CA10: variants seen among roughly 807,000 people sequenced by gnomAD.
CA10 encodes carbonic anhydrase 10 (inactive).
Under a neutral mutation model 44.2 loss-of-function variants are expected in CA10, and 14 were observed. That is an observed-to-expected ratio of 0.32 (90% confidence interval 0.21 to 0.50). CA10 has a LOEUF of 0.50. CA10 is among the 20% of genes least tolerant of loss of function. CA10 has a pLI of 0.99. For missense variants in CA10, 350 were observed against 409.7 expected, an observed-to-expected ratio of 0.85 and a Z score of 1.26; for synonymous variants, 159 against 141.6, an observed-to-expected ratio of 1.12 and a Z score of -0.87.
At chr17:52,126,401 T>A (rs1327584962) in intron 1 of CA10, among the ~76,000 whole-genome samples, 1 of 152,202 alleles carries the variant, frequency 6.6e-6, no homozygotes, top group Non-Finnish European at 1.5e-5. Flanking sequence ...TTTAAAAAAA[T>A]ATCCATCAGT....
chr17:52,113,446 T>C (rs1988828821), intron 1 of CA10, among the ~76,000 whole-genome samples: 1 of 152,180 alleles, frequency 6.6e-6, no homozygotes, highest in Non-Finnish European at 1.5e-5. Context: ...GGCATTGCCC[T>C]GGGCACCATG....
intron 2 of CA10, among the ~76,000 whole-genome samples, chr17:52,026,788 C>G (rs1418246336): frequency 6.6e-6 from 1 of 152,054 alleles, no homozygotes; most frequent in Non-Finnish European, 1.5e-5. Flanking sequence ...CTCATGGGCT[C>G]CTTCCCACAA....
At chr17:52,116,536 G>C (rs1176991813) in intron 1 of CA10, among the ~76,000 whole-genome samples, 2 of 152,136 alleles carry the variant, frequency 1.3e-5, no homozygotes, top group Non-Finnish European at 2.9e-5. Context: ...CTCATGGGCA[G>C]CACCCTGTCA....
chr17:52,043,780 G>A (rs1272566568), intron 2 of CA10, among the ~76,000 whole-genome samples: 2 of 151,904 alleles, frequency 1.3e-5, no homozygotes, highest in Non-Finnish European at 2.9e-5. Flanking sequence ...TGTTGATTTT[G>A]TCAAATGCTT....
chr17:51,785,993 C>T lies in CA10; in HGVS notation c.280-38175G>A, dbSNP rs139071667. ...TGGTGTCCTCTTCAGTTTCTTTCAT[C>T]AGTGTTTTATTGTTTTCGTTATAGA... On this transcript the variant is annotated intron_variant, in intron 3 of 8. Coordinates refer to ENST00000451037, the MANE Select transcript of CA10 (RefSeq NM_020178.5). Among the ~76,000 whole-genome samples, 18 of 152,192 alleles carry T rather than the reference C, an allele frequency of 1.2e-4. No individual in the cohort carries two copies. The East Asian group carries it at 3.5e-3, about 29-fold the overall frequency.
intron 3 of CA10, among the ~76,000 whole-genome samples, chr17:51,821,004 GCTCC>G (rs1907759995): frequency 7.0e-6 from 1 of 143,784 alleles, no homozygotes; most frequent in Admixed American, 6.9e-5. Context: ...AAAGATCCAT[GCTCC>G]CTCCCTCCCT....
Position 51,941,118 on chromosome 17 carries a change from G to A in CA10, c.137-9986C>T, listed in dbSNP as rs182078517. Among the ~76,000 whole-genome samples the A allele has an allele frequency of 1.5e-3, 231 of 152,188 alleles. 4 individuals carry two copies. Among genetic ancestry groups the A allele is most frequent in the Non-Finnish European group, 5.9e-4 (40 of 68,002 alleles). On this transcript the variant is annotated intron_variant, in intron 2 of 8. Transcript: ENST00000451037. ...CAAAGAGTTGAGTAATTTATCCAAG[G>A]TTATTCAGCCAGTGCACAGCTGAGC...
At chr17:51,913,626 G>C (rs973189020) in intron 3 of CA10, among the ~76,000 whole-genome samples, 1 of 151,526 alleles carries the variant, frequency 6.6e-6, no homozygotes, top group East Asian at 1.9e-4. Flanking sequence ...TTTCAGCAGT[G>C]CTTGCAAGAG....
chr17:51,654,552 A>AAAAAAAAAATTAG (rs1913713254), intron 4 of CA10, among the ~76,000 whole-genome samples: 1 of 137,620 alleles, frequency 7.3e-6, no homozygotes, highest in African/African-American at 2.5e-5. Flanking sequence ...ACAGTATGGA[A>AAAAAAAAAATTAG]GCCTAATTTT....
chr17:51,708,886 C>T (rs979388938), intron 4 of CA10, among the ~76,000 whole-genome samples: 2 of 152,228 alleles, frequency 1.3e-5, no homozygotes, highest in African/African-American at 4.8e-5. Context: ...GCCCTTGGGC[C>T]TTCAGCCACA....
intron 2 of CA10, among the ~76,000 whole-genome samples, chr17:52,038,460 T>C (rs997291630): frequency 2.6e-5 from 4 of 152,192 alleles, no homozygotes; most frequent in African/African-American, 9.6e-5. Flanking sequence ...AGGATTCTGA[T>C]ACCATGTTGC....
chr17:52,029,611 A>G (rs1475235113), intron 2 of CA10, among the ~76,000 whole-genome samples: 3 of 151,394 alleles, frequency 2.0e-5, no homozygotes, highest in Non-Finnish European at 2.9e-5. Context: ...AAAGATTGCC[A>G]TCCCCATCAC....
chr17:51,773,077 A>G (rs1196993919), intron 3 of CA10, among the ~76,000 whole-genome samples: 9 of 152,298 alleles, frequency 5.9e-5, no homozygotes, highest in Non-Finnish European at 8.8e-5. Context: ...TTGCTTTTCT[A>G]TTTCCTACCT....
At chr17:52,106,190 C>T (rs1988658466) in intron 1 of CA10, among the ~76,000 whole-genome samples, 2 of 152,172 alleles carry the variant, frequency 1.3e-5, no homozygotes, top group African/African-American at 4.8e-5. Flanking sequence ...TTTCCACTTG[C>T]CTTCACCCTC....
chr17:51,643,811 A>G (rs939307844), intron 6 of CA10, among the ~76,000 whole-genome samples: 3 of 152,200 alleles, frequency 2.0e-5, no homozygotes, highest in Admixed American at 1.3e-4. Flanking sequence ...ATACACGTTC[A>G]TTTTACACCT....
intron 1 of CA10, among the ~76,000 whole-genome samples, chr17:52,076,599 G>A (rs61285497): frequency 0.017 from 2,553 of 152,262 alleles, 77 homozygotes; most frequent in African/African-American, 0.059. Flanking sequence ...GATGATTTAT[G>A]TAATGTTTTC....
intron 4 of CA10, among the ~76,000 whole-genome samples, chr17:51,735,682 C>T (rs976022485): frequency 2.6e-5 from 4 of 152,164 alleles, no homozygotes; most frequent in Admixed American, 2.6e-4. Flanking sequence ...CATTGATCCC[C>T]TTAATCCATA....
intron 3 of CA10, among the ~76,000 whole-genome samples, chr17:51,774,613 T>C (rs1905741827): frequency 6.6e-6 from 1 of 152,018 alleles, no homozygotes; most frequent in Non-Finnish European, 1.5e-5. Context: ...CTAATTTTTT[T>C]TTGTATTTTT....
intron 2 of CA10, among the ~76,000 whole-genome samples, chr17:51,961,863 C>T (rs1017327961): frequency 6.6e-6 from 1 of 152,208 alleles, no homozygotes; most frequent in African/African-American, 2.4e-5. Context: ...GATCTCCGGG[C>T]ATTCAAAGCA....
Sources: gnomAD v4.1 joint callset for allele counts (sites outside exome capture counted in the v4.1 genomes callset) on GRCh38, gnomAD v4.1.1 for gene constraint, MANE v1.5 for transcripts, NCBI Gene and HGNC (gene_info 2026-07-23, HGNC 2026-07-21) for gene names.